INPP4B: variants seen among roughly 807,000 people sequenced by gnomAD.
The protein encoded by INPP4B is inositol polyphosphate 4-phosphatase type II.
INPP4B carries 55 observed loss-of-function variants against 122.5 expected under a neutral mutation model. The observed-to-expected ratio is 0.45, with a 90% CI of 0.36 to 0.56. The LOEUF is 0.56. Among genes scored for constraint, INPP4B ranks in the 20% least tolerant of loss-of-function variants. The pLI is 0.00. For synonymous variants in INPP4B, 403 were observed against 388.7 expected, an observed-to-expected ratio of 1.04 and a Z score of -0.43; for missense variants, 1,000 against 1,097.7, an observed-to-expected ratio of 0.91 and a Z score of 1.26.
At chr4:142,443,379 C>T (rs1251094000) in intron 3 of INPP4B, among the ~76,000 whole-genome samples, 1 of 152,078 alleles carries the variant, frequency 6.6e-6, no homozygotes, top group African/African-American at 2.4e-5. Flanking sequence ...TACAAAGACC[C>T]ACTTGGATCC....
intron 1 of INPP4B, among the ~76,000 whole-genome samples, chr4:142,790,972 C>T (rs1776471148): frequency 6.6e-6 from 1 of 152,058 alleles, no homozygotes; most frequent in African/African-American, 2.4e-5. Flanking sequence ...TTTCAGAAAC[C>T]TGCCCACATT....
chr4:142,276,215 T>C (rs1748329850), intron 9 of INPP4B, among the ~76,000 whole-genome samples: 1 of 151,874 alleles, frequency 6.6e-6, no homozygotes, highest in Non-Finnish European at 1.5e-5. Flanking sequence ...CTCCAGTATC[T>C]GTTCCTTCCA....
intron 19 of INPP4B, among the ~76,000 whole-genome samples, 176 bp from the exon 20 acceptor site, chr4:142,123,591 G>C (rs1797481317): frequency 1.3e-5 from 2 of 152,166 alleles, no homozygotes; most frequent in South Asian, 4.1e-4. Context: ...TAGAATTGCT[G>C]TGTATAAAAG....
chr4:142,775,267 G>A (rs900715954), intron 1 of INPP4B, among the ~76,000 whole-genome samples: 1 of 152,000 alleles, frequency 6.6e-6, no homozygotes, highest in African/African-American at 2.4e-5. Context: ...CTTCTTTACT[G>A]TACTCTTGAA....
intron 1 of INPP4B, among the ~76,000 whole-genome samples, chr4:142,743,563 T>C (rs1356291424): frequency 1.3e-5 from 2 of 151,860 alleles, no homozygotes; most frequent in Non-Finnish European, 2.9e-5. Context: ...ACAGTGGATA[T>C]TGGAGTTCAT....
At chr4:142,284,191 T>C (rs1163202836) in intron 9 of INPP4B, among the ~76,000 whole-genome samples, 1 of 152,152 alleles carries the variant, frequency 6.6e-6, no homozygotes, top group African/African-American at 2.4e-5. Context: ...GTTCTTACTC[T>C]GGTTCTGCTA....
chr4:142,034,989 C>T (rs1742938367), intron 25 of INPP4B, among the ~76,000 whole-genome samples: 1 of 152,072 alleles, frequency 6.6e-6, no homozygotes, highest in African/African-American at 2.4e-5. Flanking sequence ...TTGCCCTCCT[C>T]ACTTCTTGCA....
chr4:142,718,482 C>T (rs970657025), intron 2 of INPP4B, among the ~76,000 whole-genome samples: 1 of 152,180 alleles, frequency 6.6e-6, no homozygotes. Flanking sequence ...GTATGGGAAG[C>T]ATAGGCTGGA....
At chr4:142,570,386 T>C (rs924708940) in intron 2 of INPP4B, among the ~76,000 whole-genome samples, 2 of 152,122 alleles carry the variant, frequency 1.3e-5, no homozygotes, top group Non-Finnish European at 2.9e-5. Context: ...TATTTTACTG[T>C]ATTTTTTTTT....
At chr4:142,365,156 A>G (rs1786971313) in intron 7 of INPP4B, among the ~76,000 whole-genome samples, 1 of 152,114 alleles carries the variant, frequency 6.6e-6, no homozygotes, top group Non-Finnish European at 1.5e-5. Context: ...GTAATGAAAA[A>G]TGCCTTGAAA....
chr4:142,576,442 T>C (rs1733864890), intron 2 of INPP4B, among the ~76,000 whole-genome samples: 1 of 151,988 alleles, frequency 6.6e-6, no homozygotes, highest in Non-Finnish European at 1.5e-5. Context: ...TTTTTTTTCC[T>C]AACATGTTTT....
intron 9 of INPP4B, among the ~76,000 whole-genome samples, chr4:142,299,176 G>A (rs77396854): frequency 7.7e-6 from 1 of 130,490 alleles, no homozygotes; most frequent in Non-Finnish European, 1.6e-5. Context: ...TTTTGGGGGG[G>A]AGACAGAGTC....
At chr4:142,514,998 G>A (rs913612523) in intron 2 of INPP4B, among the ~76,000 whole-genome samples, 3 of 151,652 alleles carry the variant, frequency 2.0e-5, no homozygotes, top group Non-Finnish European at 4.4e-5. Flanking sequence ...ATTTCACCAC[G>A]TTGGCCAGGC....
At chr4:142,110,023 T>C (rs1397959800) in intron 22 of INPP4B, among the ~76,000 whole-genome samples, 1 of 152,160 alleles carries the variant, frequency 6.6e-6, no homozygotes, top group Non-Finnish European at 1.5e-5. Context: ...GACACTGTAA[T>C]CAACTGGTAT....
At chr4:142,781,258 C>T (rs942308206) in intron 1 of INPP4B, among the ~76,000 whole-genome samples, 7 of 152,162 alleles carry the variant, frequency 4.6e-5, no homozygotes, top group African/African-American at 1.7e-4. Flanking sequence ...TCTCCCTCCA[C>T]ATCATAAGGG....
intron 2 of INPP4B, among the ~76,000 whole-genome samples, chr4:142,647,268 A>G (rs918599660): frequency 6.6e-6 from 1 of 152,176 alleles, no homozygotes; most frequent in Non-Finnish European, 1.5e-5. Flanking sequence ...CTGGTTTTTT[A>G]TCATTGTTGT....
chr4:142,064,651 C>T (rs1762592205), intron 25 of INPP4B, among the ~76,000 whole-genome samples: 1 of 151,952 alleles, frequency 6.6e-6, no homozygotes, highest in South Asian at 2.1e-4. Flanking sequence ...AATAATATAT[C>T]TTGACAGCTC....
chr4:142,120,983 T>C (rs985266928), intron 21 of INPP4B, among the ~76,000 whole-genome samples: 3 of 152,096 alleles, frequency 2.0e-5, no homozygotes, highest in African/African-American at 7.2e-5. Context: ...TGAGTTTCAA[T>C]ACTGTTTGAA....
At chr4:142,191,231 G>T (rs979222289) in intron 15 of INPP4B, among the ~76,000 whole-genome samples, 37 of 152,062 alleles carry the variant, frequency 2.4e-4, no homozygotes, top group Admixed American at 9.8e-4. Context: ...TGAGTTCCAC[G>T]GGATTTTTCT....
Sources: gnomAD v4.1 joint callset for allele counts (sites outside exome capture counted in the v4.1 genomes callset) on GRCh38, gnomAD v4.1.1 for gene constraint, MANE v1.5 for transcripts, NCBI Gene and HGNC (gene_info 2026-07-23, HGNC 2026-07-21) for gene names.